RFX8: variants seen among roughly 807,000 people sequenced by gnomAD.
The protein encoded by RFX8 is regulatory factor X8, also known as DNA-binding protein RFX8.
RFX8 carries 46 observed loss-of-function variants against 54.6 expected under a neutral mutation model. That is an observed-to-expected ratio of 0.84 (90% confidence interval 0.67 to 1.08). The LOEUF is 1.08. Among genes scored for constraint, RFX8 ranks in the 50% least tolerant of loss-of-function variants. The pLI is 0.00. For missense variants in RFX8, 536 were observed against 562.3 expected, an observed-to-expected ratio of 0.95 and a Z score of 0.47; for synonymous variants, 192 against 209.5, an observed-to-expected ratio of 0.92 and a Z score of 0.72.
intron 4 of RFX8, among the ~76,000 whole-genome samples, chr2:101,419,610 G>A (rs188404339): frequency 6.6e-6 from 1 of 152,286 alleles, no homozygotes; most frequent in East Asian, 1.9e-4. Context: ...TGCCTGTTTG[G>A]GATTTCCACA....
chr2:101,408,209 G>T (rs1558839352), intron 9 of RFX8, among the ~76,000 whole-genome samples: 1 of 152,072 alleles, frequency 6.6e-6, no homozygotes, highest in Non-Finnish European at 1.5e-5. Context: ...AGGCTGGCCG[G>T]GCGCGGTGGC....
rs567432222 is a variant in RFX8, at chr2:101,409,779, C to T, written c.813+840G>A. Among the ~76,000 whole-genome samples, 44 of 152,248 alleles carry T rather than the reference C, an allele frequency of 2.9e-4. 1 individual carries two copies. The South Asian group carries it at 8.7e-3, about 30-fold the overall frequency. ...CCTCCCAAAGTGCTGGAATTATAGG[C>T]ATGAGCCACCGTGCCTGGCCTCCCT... On this transcript the variant is annotated intron_variant, in intron 9 of 11. Coordinates refer to ENST00000428343, the MANE Select transcript of RFX8 (RefSeq NM_001145664.2).
chr2:101,439,279 A>T (rs963749691), intron 2 of RFX8, among the ~76,000 whole-genome samples: 11 of 151,778 alleles, frequency 7.2e-5, no homozygotes, highest in African/African-American at 2.7e-4. Flanking sequence ...TATATTCTAG[A>T]TACTAGTCCT....
chr2:101,438,155 G>T (rs34411515), intron 2 of RFX8, among the ~76,000 whole-genome samples: 114,745 of 151,682 alleles, frequency 0.76, 44,332 homozygotes, highest in Middle Eastern at 0.88. Context: ...ATGGGGTATC[G>T]ACCACTTCAA....
At chr2:101,430,321 T>C (rs768099506) in intron 2 of RFX8, among the ~76,000 whole-genome samples, 7 of 152,218 alleles carry the variant, frequency 4.6e-5, no homozygotes, top group Non-Finnish European at 1.0e-4. Context: ...TGGACTGAGT[T>C]GCCTTCTCCT....
intron 2 of RFX8, among the ~76,000 whole-genome samples, chr2:101,440,318 T>A (rs1688026644): frequency 6.6e-6 from 1 of 152,148 alleles, no homozygotes; most frequent in African/African-American, 2.4e-5. Context: ...CTTGGAGTGT[T>A]CCCAGTCAAC....
chr2:101,460,835 C>G (rs1048606750), intron 2 of RFX8, among the ~76,000 whole-genome samples: 2 of 151,322 alleles, frequency 1.3e-5, no homozygotes, highest in Non-Finnish European at 2.9e-5. Context: ...CTACCTCTTC[C>G]TGCAGGAAGT....
At chr2:101,397,899 C>G (rs1383033302) in intron 11 of RFX8, among the ~76,000 whole-genome samples, 175 bp from the exon 12 acceptor site, 1 of 152,014 alleles carries the variant, frequency 6.6e-6, no homozygotes, top group Admixed American at 6.6e-5. Flanking sequence ...ACTCTTGTTA[C>G]CCAGGCTGGA....
intron 9 of RFX8, 29 bp downstream of exon 9, chr2:101,410,588 CTT>C (rs35603034): frequency 3.8e-3 from 3,737 of 971,386 alleles, no homozygotes; most frequent in South Asian, 4.8e-3. Flanking sequence ...GGTCAACACA[CTT>C]TTTTTTTTTT....
chr2:101,438,852 C>T (rs760447320), intron 2 of RFX8, among the ~76,000 whole-genome samples: 25 of 152,076 alleles, frequency 1.6e-4, no homozygotes, highest in Non-Finnish European at 2.6e-4. Context: ...GCTCTTGTTG[C>T]CCAGGCTGGA....
chr2:101,402,879 A>C (rs1172872623), intron 10 of RFX8, 127 bp from the exon 11 acceptor site: 3 of 849,034 alleles, frequency 3.5e-6, no homozygotes, highest in Non-Finnish European at 5.3e-6. Context: ...TAGCTTACCC[A>C]GAAGAGGCCT....
At chr2:101,461,262 CAAAAAAAAA>C (rs11350961) in intron 2 of RFX8, among the ~76,000 whole-genome samples, 1 of 89,910 alleles carries the variant, frequency 1.1e-5, no homozygotes, top group East Asian at 3.3e-4. Context: ...GACTCCATCT[CAAAAAAAAA>C]AAAAAAAAAA....
At chr2:101,469,065 T>A (rs1175091882) in intron 1 of RFX8, among the ~76,000 whole-genome samples, 812 of 24,850 alleles carry the variant, frequency 0.033, 50 homozygotes, top group South Asian at 0.06. Flanking sequence ...CGTATATATA[T>A]GTATATATAT....
chr2:101,436,001 C>T (rs1687763577), intron 2 of RFX8, among the ~76,000 whole-genome samples: 1 of 152,142 alleles, frequency 6.6e-6, no homozygotes, highest in Admixed American at 6.5e-5. Context: ...CTCCAGGTGT[C>T]CAGTTAAGTG....
rs1399556482 is a variant in RFX8, at chr2:101,405,970, T to C, written c.901A>G (p.Met301Val). The change falls in exon 10 of 12, where the codon ATG becomes GTG. Residue 301 changes from methionine to valine, a missense_variant. Physicochemically the swap from Met to Val is conservative, Grantham distance 21. Transcript: ENST00000428343. Reference protein sequence around the residue: ...NLLLTAVSKAMTLCHRDSFGS... With the variant: ...NLLLTAVSKAVTLCHRDSFGS... Reference sequence around the variant, plus strand: ...AAACTATCTCTGTGGCAGAGGGTCATGGCTTTGCTTACAGCAGTGAGAAGA... The same window carrying C: ...AAACTATCTCTGTGGCAGAGGGTCACGGCTTTGCTTACAGCAGTGAGAAGA... 1.4e-5 allele frequency: 21 copies of C among 1,546,232 alleles called. No homozygotes were observed. The highest frequency in any genetic ancestry group is 1.7e-5 in the Non-Finnish European group (19 of 1,144,528).
At chr2:101,453,754 C>T (rs1688822342) in intron 2 of RFX8, among the ~76,000 whole-genome samples, 2 of 152,036 alleles carry the variant, frequency 1.3e-5, no homozygotes, top group African/African-American at 4.8e-5. Flanking sequence ...ACGGATATTT[C>T]CCCTTGTCAT....
At chr2:101,459,160 C>T (rs939835543) in intron 2 of RFX8, among the ~76,000 whole-genome samples, 1 of 152,140 alleles carries the variant, frequency 6.6e-6, no homozygotes, top group Non-Finnish European at 1.5e-5. Flanking sequence ...TTCAAACATC[C>T]TCCTTTAGCT....
chr2:101,413,296 T>C (rs1306572130), intron 7 of RFX8, among the ~76,000 whole-genome samples: 1 of 152,156 alleles, frequency 6.6e-6, no homozygotes, highest in African/African-American at 2.4e-5. Flanking sequence ...GGAAGATGCG[T>C]TCAGGGCTGT....
In RFX8 at chr2:101,417,566, A is replaced by T; in HGVS notation, c.470T>A (p.Val157Asp). The change falls in exon 6 of 12, where the codon GTT (valine) becomes GAT (aspartate). Residue 157 changes from valine to aspartate, a missense_variant. Physicochemically the swap from Val to Asp is radical, Grantham distance 152 (BLOSUM62 -3). Coordinates refer to ENST00000428343, the MANE Select transcript of RFX8 (RefSeq NM_001145664.2). ...KLWLLNALEG[V>D]PALLQISKLK... ...TTTGGAGATCTGCAAGAGGGCTGGA[A>T]CACCTTCCAAAGCATTAAGGAGCCA... is the stretch of plus-strand genomic sequence containing the variant. 6.4e-7 allele frequency: 1 copy of T among 1,551,426 alleles called. No homozygotes were observed. Among genetic ancestry groups the T allele is most frequent in the Non-Finnish European group, 8.7e-7 (1 of 1,146,808 alleles).
Sources: gnomAD v4.1 joint callset for allele counts (sites outside exome capture counted in the v4.1 genomes callset) on GRCh38, gnomAD v4.1.1 for gene constraint, MANE v1.5 for transcripts, NCBI Gene and HGNC (gene_info 2026-07-23, HGNC 2026-07-21) for gene names.